SPEF2: variants seen among roughly 807,000 people sequenced by gnomAD.
SPEF2 encodes sperm flagellar and cilia associated 2.
Under a neutral mutation model 224.6 loss-of-function variants are expected in SPEF2, and 187 were observed. That is an observed-to-expected ratio of 0.83 (90% confidence interval 0.74 to 0.94). SPEF2 has a LOEUF of 0.94. SPEF2 is among the 40% of genes least tolerant of loss of function. The pLI is 0.00. For synonymous variants in SPEF2, 715 were observed against 707.3 expected, an observed-to-expected ratio of 1.01 and a Z score of -0.17; for missense variants, 2,170 against 2,135.6, an observed-to-expected ratio of 1.02 and a Z score of -0.32.
chr5:35,692,667 G>A lies in SPEF2; in HGVS notation c.1842G>A (p.Gln614=). ...AAGTCAGTGAGGTTCTACCAATTCAGAAAAATGATGAAGAAGATGCTCTAC... is the reference window on the plus strand; with the variant it reads ...AAGTCAGTGAGGTTCTACCAATTCAAAAAAATGATGAAGAAGATGCTCTAC... ...NEKVSEVLPI[Q]KNDEEDALPV... Residue 614 remains glutamine, a synonymous_variant, in exon 12 of 37, where the codon CAG becomes CAA. Transcript: ENST00000356031. The A allele has an allele frequency of 6.2e-7, 1 of 1,613,606 alleles. No homozygotes were observed. Among genetic ancestry groups the A allele is most frequent in the South Asian group, 1.1e-5 (1 of 91,028 alleles).
chr5:35,625,244 G>A (rs1207344080), intron 1 of SPEF2, among the ~76,000 whole-genome samples: 3 of 152,024 alleles, frequency 2.0e-5, no homozygotes, highest in Non-Finnish European at 4.4e-5. Flanking sequence ...GTTTACTATT[G>A]TTCTTTAACC....
chr5:35,753,507 G>A, intron 23 of SPEF2, 117 bp from the exon 24 acceptor site: 1 of 1,341,262 alleles, frequency 7.5e-7, no homozygotes. Context: ...AGTGCAATTG[G>A]TGTAAAATTT....
At chr5:35,757,934 GA>G (rs1265454056) in intron 24 of SPEF2, among the ~76,000 whole-genome samples, 1 of 152,064 alleles carries the variant, frequency 6.6e-6, no homozygotes, top group African/African-American at 2.4e-5. Flanking sequence ...CATTTAGTTA[GA>G]AAAGTCGAAT....
chr5:35,675,303 C>T (rs748555423), intron 10 of SPEF2, among the ~76,000 whole-genome samples: 5 of 152,188 alleles, frequency 3.3e-5, no homozygotes, highest in Non-Finnish European at 7.3e-5. Flanking sequence ...CAATAAGAAT[C>T]ATGATCAGCC....
At chr5:35,765,356 G>A (rs1444396331) in intron 26 of SPEF2, among the ~76,000 whole-genome samples, 1 of 151,920 alleles carries the variant, frequency 6.6e-6, no homozygotes. Context: ...AATACCTTTG[G>A]GTTTCCAATT....
rs901019223 is a variant in SPEF2 at position 35,725,034 on chromosome 5, A to G, written c.2915-2641A>G. ...GCATAAATTTTAGGACAGTAAGCAGAGAAAGCTTTCCCTCCATGAGCTTTT... is the reference window on the plus strand; with the variant it reads ...GCATAAATTTTAGGACAGTAAGCAGGGAAAGCTTTCCCTCCATGAGCTTTT... On this transcript the variant is annotated intron_variant, in intron 20 of 36. Coordinates refer to ENST00000356031, the MANE Select transcript of SPEF2 (RefSeq NM_024867.4). 1.4e-4 allele frequency among the ~76,000 whole-genome samples: 21 copies of G among 152,204 alleles called. 1 individual carries two copies. The highest frequency in any genetic ancestry group is 4.4e-5 in the Non-Finnish European group (3 of 68,028).
chr5:35,688,841 ATAG>A (rs1423199944), intron 10 of SPEF2, among the ~76,000 whole-genome samples: 1 of 152,226 alleles, frequency 6.6e-6, no homozygotes, highest in Non-Finnish European at 1.5e-5. Flanking sequence ...TATATGCTAC[ATAG>A]TATGCAGTCA....
intron 8 of SPEF2, among the ~76,000 whole-genome samples, chr5:35,660,393 C>T (rs12153427): frequency 0.36 from 54,788 of 152,076 alleles, 10,665 homozygotes; most frequent in East Asian, 0.54. Context: ...TATTTACTAG[C>T]TTCATAGCTT....
chr5:35,709,209 G>A (rs1580384814), intron 19 of SPEF2, 88 bp downstream of exon 19: 3 of 1,556,718 alleles, frequency 1.9e-6, no homozygotes, highest in East Asian at 4.6e-5. Context: ...TCTACATTCA[G>A]ACTTTGGGCA....
chr5:35,631,142 A>C (rs766022877), intron 2 of SPEF2, among the ~76,000 whole-genome samples: 4 of 152,224 alleles, frequency 2.6e-5, no homozygotes, highest in Non-Finnish European at 4.4e-5. Context: ...GAAGGCAAGG[A>C]GGAGCAAGCC....
chr5:35,779,478 A>T (rs1754033459), intron 30 of SPEF2, 132 bp downstream of exon 30: 1 of 658,750 alleles, frequency 1.5e-6, no homozygotes, highest in Admixed American at 3.0e-5. Flanking sequence ...GCTTTGTTCT[A>T]GTTTATTAAA....
rs769179446 is a variant in SPEF2 at position 35,788,786 on chromosome 5, T to G, written c.4448-3554T>G. On this transcript the variant is annotated intron_variant, in intron 30 of 36. Coordinates refer to ENST00000356031, the MANE Select transcript of SPEF2 (RefSeq NM_024867.4). ...TTGCTTTGCACATCACCTTGAACTATCTTACAAAGCGGTGTTCCAGAACAT... is the reference window on the plus strand; with the variant it reads ...TTGCTTTGCACATCACCTTGAACTAGCTTACAAAGCGGTGTTCCAGAACAT... 5.7e-6 allele frequency: 4 copies of G among 702,894 alleles called. No homozygotes were observed. The Admixed American group carries it at 6.0e-5, about 11-fold the overall frequency. The allele number at this position is 702,894 out of a possible 1,614,324, so 43.5% of individuals were successfully genotyped here. A position where few individuals can be genotyped will look rare whatever the true frequency, so the allele number is the denominator to read the frequency against.
intron 7 of SPEF2, among the ~76,000 whole-genome samples, chr5:35,655,628 C>T (rs561159314): frequency 1.3e-4 from 20 of 152,076 alleles, no homozygotes; most frequent in East Asian, 9.6e-4. Flanking sequence ...GTGGGATGGT[C>T]GTGGTGGGGT....
At chr5:35,676,159 G>C (rs914051635) in intron 10 of SPEF2, among the ~76,000 whole-genome samples, 2 of 152,196 alleles carry the variant, frequency 1.3e-5, no homozygotes. Flanking sequence ...TGCCTGACAT[G>C]AATAAGATCA....
chr5:35,637,823 G>A (rs1446686803), intron 2 of SPEF2, among the ~76,000 whole-genome samples: 4 of 152,048 alleles, frequency 2.6e-5, no homozygotes, highest in Admixed American at 2.6e-4. Flanking sequence ...ATTAGAAGCT[G>A]GATTACCCTC....
rs34164245 is a variant in SPEF2, at chr5:35,659,897, G to GA, written c.1167+703dup. Among the ~76,000 whole-genome samples, 382 of 133,766 alleles carry GA rather than the reference G, an allele frequency of 2.9e-3. 1 individual carries two copies. The highest frequency in any genetic ancestry group is 0.02 in the East Asian group (94 of 4,686). The allele number at this position is 133,766 out of a possible 152,430, so 87.8% of individuals were successfully genotyped here. A position where few individuals can be genotyped will look rare whatever the true frequency, so the allele number is the denominator to read the frequency against. On this transcript the variant is annotated intron_variant, in intron 8 of 36. Coordinates refer to ENST00000356031, the MANE Select transcript of SPEF2 (RefSeq NM_024867.4). ...TTTAATCAACAATTCCTTGCCTTCT[G>GA]AAAAAAAAAAAAAGAGATTCCTCAG...
In SPEF2 at chr5:35,628,560, C is replaced by T; in HGVS notation, c.159C>T (p.Ser53=). ...ATGATTTTTCAGAATTTTTGGACAG[C>T]AGGTTAGTGAGATTATTCCTTTTTG... ...LQDDFSEFLD[S]RVSSAKLNNF... is the part of the protein sequence containing the mutation. The change falls in exon 2 of 37, where the codon AGC becomes AGT. Residue 53 remains serine, a splice_region_variant and synonymous_variant. Transcript: ENST00000356031. 4 of 1,597,740 alleles carry T rather than the reference C, an allele frequency of 2.5e-6. No individual in the cohort carries two copies. The highest frequency in any genetic ancestry group is 3.4e-6 in the Non-Finnish European group (4 of 1,165,696).
intron 20 of SPEF2, among the ~76,000 whole-genome samples, chr5:35,717,851 CTG>C (rs1299591243): frequency 2.6e-5 from 4 of 152,174 alleles, no homozygotes; most frequent in African/African-American, 4.8e-5. Context: ...ATCTATCTAA[CTG>C]TTGTTAGATT....
At chr5:35,742,643 G>A (rs1481914325) in intron 23 of SPEF2, among the ~76,000 whole-genome samples, 3 of 151,772 alleles carry the variant, frequency 2.0e-5, no homozygotes, top group African/African-American at 7.2e-5. Context: ...TTTCTCCTAA[G>A]TTTAATGGTC....
Sources: gnomAD v4.1 joint callset for allele counts (sites outside exome capture counted in the v4.1 genomes callset) on GRCh38, gnomAD v4.1.1 for gene constraint, MANE v1.5 for transcripts, NCBI Gene and HGNC (gene_info 2026-07-23, HGNC 2026-07-21) for gene names.